Variants in ADCY5 observed in about 807,000 individuals in gnomAD.
ADCY5 encodes adenylate cyclase type 5.
A neutral mutation model predicts 119.7 loss-of-function variants in ADCY5; 30 were observed. That is an observed-to-expected ratio of 0.25 (90% CI 0.19 to 0.34). The LOEUF (loss-of-function observed/expected upper bound fraction) is 0.34. Among genes scored for constraint, ADCY5 ranks in the 10% least tolerant of loss-of-function variants. ADCY5 has a pLI of 1.00. For missense variants in ADCY5, 1,324 were observed against 1,775.2 expected (o/e 0.75, Z 4.57); for synonymous variants, 753 against 762.2 (o/e 0.99, Z 0.20).
intron 1 of ADCY5, among the ~76,000 whole-genome samples, chr3:123,442,562 T>G (rs1945742139): frequency 6.6e-6 from 1 of 152,230 alleles, no homozygotes; most frequent in African/African-American, 2.4e-5. Flanking sequence ...CCATGTCCTC[T>G]TTACAGACAA....
Position 123,448,802 on chromosome 3 carries a change from G to C in ADCY5, c.-257C>G. ...GAAATGGAGTTGCCTCCGAGGTGGGGTCGCAGGGACTGGTCTGGCTGCTGC... is the reference window on the plus strand; with the variant it reads ...GAAATGGAGTTGCCTCCGAGGTGGGCTCGCAGGGACTGGTCTGGCTGCTGC... On this transcript the variant is annotated 5_prime_UTR_variant, in exon 1 of 21. Coordinates refer to ENST00000462833, the MANE Select transcript of ADCY5 (RefSeq NM_183357.3). 1 of 374,026 alleles carries C rather than the reference G, an allele frequency of 2.7e-6. No individual in the cohort carries two copies. Among genetic ancestry groups the C allele is most frequent in the Non-Finnish European group, 4.7e-6 (1 of 210,758 alleles). 23.2% of individuals were successfully genotyped at this position (374,026 alleles called of 1,614,324 possible). A position where few individuals can be genotyped will look rare whatever the true frequency, so the allele number is the denominator to read the frequency against.
intron 11 of ADCY5, among the ~76,000 whole-genome samples, chr3:123,317,130 G>A (rs1357774594): frequency 6.6e-6 from 1 of 152,052 alleles, no homozygotes; most frequent in East Asian, 1.9e-4. Context: ...TAATGTGAAT[G>A]ACAATTTAAC....
intron 1 of ADCY5, among the ~76,000 whole-genome samples, chr3:123,426,361 T>C (rs1000466983): frequency 1.1e-4 from 17 of 151,002 alleles, no homozygotes; most frequent in South Asian, 2.1e-4. Flanking sequence ...TCTTGCCCTG[T>C]CACCCAGGCT....
At chr3:123,402,855 G>GAA (rs79391092) in intron 1 of ADCY5, among the ~76,000 whole-genome samples, 5 of 104,232 alleles carry the variant, frequency 4.8e-5, no homozygotes, top group Non-Finnish European at 6.0e-5. Flanking sequence ...TCAGTCTCAG[G>GAA]AAAAAAAAAA....
chr3:123,401,815 C>T lies in ADCY5; in HGVS notation c.1134+45597G>A, dbSNP rs145873838. On this transcript the variant is annotated intron_variant, in intron 1 of 20. Transcript: ENST00000462833. ...TGGCAGGTAGCTCTTACCGAACCTA[C>T]CTAAAAACCCGGCCTGTCTCAGAAA... 5.9e-5 allele frequency among the ~76,000 whole-genome samples: 9 copies of T among 152,198 alleles called. No homozygotes were observed. The East Asian group carries it at 1.7e-3, about 29-fold the overall frequency.
At chr3:123,327,590 T>C in intron 7 of ADCY5, 28 bp downstream of exon 7, 1 of 1,604,906 alleles carries the variant, frequency 6.2e-7, no homozygotes, top group Non-Finnish European at 8.5e-7. Context: ...AGGGAGCCCC[T>C]CAGCCCCCCG....
intron 1 of ADCY5, among the ~76,000 whole-genome samples, chr3:123,398,586 T>C (rs1944667681): frequency 6.6e-6 from 1 of 152,184 alleles, no homozygotes; most frequent in Non-Finnish European, 1.5e-5. Context: ...GCGCCTAAAA[T>C]AGCAGCCCCA....
chr3:123,289,763 G>A lies in ADCY5; in HGVS notation c.3519C>T (p.Phe1173=), dbSNP rs1356638811. ...KYINEHSFNN[F]QMKIGLNIGP... is the part of the protein sequence containing the mutation. ...GCCCCCACTCACCGATCTTCATCTG[G>A]AAGTTGTTGAAGGAGTGCTCATTGA... Residue 1173 remains phenylalanine, a synonymous_variant, in exon 19 of 21, where the codon TTC becomes TTT. Coordinates refer to ENST00000462833, the MANE Select transcript of ADCY5 (RefSeq NM_183357.3). 2 of 1,613,750 alleles carry A rather than the reference G, an allele frequency of 1.2e-6. No individual in the cohort carries two copies. Among genetic ancestry groups the A allele is most frequent in the Non-Finnish European group, 1.7e-6 (2 of 1,180,026 alleles).
In ADCY5 at chr3:123,309,534, T is replaced by C. The variant is rs375016179; in HGVS notation, c.2442+4701A>G. On this transcript the variant is annotated intron_variant, in intron 12 of 20. Coordinates refer to ENST00000462833, the MANE Select transcript of ADCY5 (RefSeq NM_183357.3). ...TCTAGAAAAAGCTGTCTAACCTCTC[T>C]GGGCCTCAGTTTCCTCATCTGCAAA... Among the ~76,000 whole-genome samples, 14 of 152,208 alleles carry C rather than the reference T, an allele frequency of 9.2e-5. No homozygotes were observed. In the East Asian group the frequency reaches 1.2e-3, roughly 13 times the overall value.
At chr3:123,392,641 A>G (rs964038560) in intron 1 of ADCY5, among the ~76,000 whole-genome samples, 7 of 152,180 alleles carry the variant, frequency 4.6e-5, no homozygotes, top group African/African-American at 1.7e-4. Flanking sequence ...CCCCAGGCAG[A>G]CAGTGTTACT....
intron 16 of ADCY5, 140 bp downstream of exon 16, chr3:123,297,213 C>G: frequency 7.2e-7 from 1 of 1,384,344 alleles, no homozygotes; most frequent in Non-Finnish European, 1.0e-6. Context: ...CCAGGAGGAA[C>G]CAGCCTCCCT....
chr3:123,325,844 A>T (rs1576576658), intron 7 of ADCY5, among the ~76,000 whole-genome samples: 1 of 152,352 alleles, frequency 6.6e-6, no homozygotes, highest in East Asian at 1.9e-4. Flanking sequence ...GCCTGAGCTG[A>T]CGCACCCAGC....
At chr3:123,317,994 A>G in intron 11 of ADCY5, 26 bp downstream of exon 11, 1 of 1,594,306 alleles carries the variant, frequency 6.3e-7, no homozygotes, top group Non-Finnish European at 8.6e-7. Context: ...CAGAGGAAGG[A>G]GCCCAAGAGG....
intron 1 of ADCY5, among the ~76,000 whole-genome samples, chr3:123,430,315 C>G (rs148255928): frequency 2.6e-5 from 4 of 152,208 alleles, no homozygotes; most frequent in Admixed American, 6.5e-5. Context: ...ACAGGCCTCA[C>G]CTAGACACCA....
At chr3:123,389,865 A>G (rs994625392) in intron 1 of ADCY5, among the ~76,000 whole-genome samples, 1 of 152,118 alleles carries the variant, frequency 6.6e-6, no homozygotes, top group Non-Finnish European at 1.5e-5. Flanking sequence ...CTGAGCTGCA[A>G]CTACAAAAAA....
intron 1 of ADCY5, among the ~76,000 whole-genome samples, chr3:123,379,068 C>A (rs866267873): frequency 2.0e-5 from 3 of 152,148 alleles, no homozygotes; most frequent in Non-Finnish European, 4.4e-5. Context: ...CTAGTTTCCA[C>A]GAAGGCTGAG....
Position 123,447,636 on chromosome 3 carries a change from C to G in ADCY5, c.910G>C (p.Ala304Pro). 6.2e-7 allele frequency: 1 copy of G among 1,608,848 alleles called. No individual in the cohort carries two copies. Among genetic ancestry groups the G allele is most frequent in the Non-Finnish European group, 8.5e-7 (1 of 1,178,404 alleles). Residue 304 changes from alanine to proline, a missense_variant, in exon 1 of 21, where the codon GCG becomes CCG. Ala to Pro is a conservative substitution (Grantham distance 27). Coordinates refer to ENST00000462833, the MANE Select transcript of ADCY5 (RefSeq NM_183357.3). ...HQDHMGLACY[A>P]LIAVVLAVQV... ...ACGGCCAGCACCACGGCGATGAGCG[C>G]ATAGCAGGCCAGGCCCATGTGGTCC...
chr3:123,434,121 C>T (rs1945567503), intron 1 of ADCY5, among the ~76,000 whole-genome samples: 1 of 152,186 alleles, frequency 6.6e-6, no homozygotes, highest in Non-Finnish European at 1.5e-5. Context: ...CTGAAAGCAC[C>T]ACAGGGAGGA....
At chr3:123,297,598 C>A (rs1381245676) in intron 15 of ADCY5, among the ~76,000 whole-genome samples, 1 of 152,250 alleles carries the variant, frequency 6.6e-6, no homozygotes, top group Non-Finnish European at 1.5e-5. Flanking sequence ...GACCACAAAC[C>A]ACCCAGCTCT....
Sources: allele counts gnomAD v4.1 joint callset (sites outside exome capture counted in the v4.1 genomes callset), GRCh38; gene constraint gnomAD v4.1.1; transcripts MANE v1.5; gene names NCBI Gene and HGNC (gene_info 2026-07-23, HGNC 2026-07-21).